Variants in JAKMIP1 observed in about 807,000 individuals in gnomAD.
JAKMIP1 encodes janus kinase and microtubule-interacting protein 1.
Under a neutral mutation model 113.0 loss-of-function variants are expected in JAKMIP1, and 33 were observed. The observed-to-expected ratio is 0.29, with a 90% CI of 0.22 to 0.39. The LOEUF (loss-of-function observed/expected upper bound fraction) is 0.39, where lower values mean the gene tolerates loss of function less well. JAKMIP1 is among the 10% of genes least tolerant of loss of function. JAKMIP1 has a pLI of 1.00. For synonymous variants in JAKMIP1, 480 were observed against 459.9 expected (o/e 1.04, Z -0.56); for missense variants, 813 against 1,080.5 (o/e 0.75, Z 3.47).
intron 1 of JAKMIP1, among the ~76,000 whole-genome samples, chr4:6,148,166 T>C (rs1014397145): frequency 2.0e-5 from 3 of 152,210 alleles, no homozygotes; most frequent in Admixed American, 6.5e-5. Flanking sequence ...GGGTAACACA[T>C]ACCTGCTAAC....
At position 6,188,532 on chromosome 4, in the gene JAKMIP1, C is replaced by A. The variant is rs182797526; in HGVS notation, c.-148+11721G>T. Among the ~76,000 whole-genome samples the A allele has an allele frequency of 6.6e-6, 1 of 152,254 alleles. No homozygotes were observed. Among genetic ancestry groups the A allele is most frequent in the East Asian group, 1.9e-4 (1 of 5,172 alleles). On this transcript the variant is annotated intron_variant, in intron 1 of 20. Coordinates refer to ENST00000409021, the MANE Select transcript of JAKMIP1 (RefSeq NM_001099433.2). This position sits in a 1 kb window ranked among gnomAD's most constrained non-coding sequence, Gnocchi z 5.8. ...ACCCCAAACCTCCTTGCCACTTGAC[C>A]TCTTAGCATACCCCCAAAGCCCTCT...
At chr4:6,043,529 C>G (rs182846237) in intron 16 of JAKMIP1, among the ~76,000 whole-genome samples, 476 of 152,186 alleles carry the variant, frequency 3.1e-3, no homozygotes, top group African/African-American at 0.011. Flanking sequence ...CTGCCTCCTG[C>G]ACCCCTCCAC....
chr4:6,112,889 A>G lies in JAKMIP1; in HGVS notation c.-39T>C, dbSNP rs1715186289. The G allele has an allele frequency of 1.3e-6, 2 of 1,597,030 alleles. No individual in the cohort carries two copies. Among genetic ancestry groups the G allele is most frequent in the East Asian group, 2.2e-5 (1 of 44,540 alleles). The stretch of plus-strand genomic sequence containing the variant: ...TCAGAGTGCTGAGATCCTGCGGTCC[A>G]CACCTGTTCACGCACGCCAGCCAGC... On this transcript the variant is annotated 5_prime_UTR_variant, in exon 2 of 21. Coordinates refer to ENST00000409021, the MANE Select transcript of JAKMIP1 (RefSeq NM_001099433.2).
rs191215151 is a variant in JAKMIP1 at position 6,036,463 on chromosome 4, C to T, written c.2176-356G>A. ...CATCCTTGGTTTCCAATTGGCTCTCCTCACCCTGGAAACAAATCTCCCCTT... is the reference window on the plus strand; with the variant it reads ...CATCCTTGGTTTCCAATTGGCTCTCTTCACCCTGGAAACAAATCTCCCCTT... On this transcript the variant is annotated intron_variant, in intron 18 of 20. Transcript: ENST00000409021. Among the ~76,000 whole-genome samples, 6 of 152,294 alleles carry T rather than the reference C, an allele frequency of 3.9e-5. No individual in the cohort carries two copies. In the East Asian group the frequency reaches 9.6e-4, roughly 24 times the overall value.
rs972401580 is a variant in JAKMIP1 at position 6,042,882 on chromosome 4, G to A, written c.2029-655C>T. On this transcript the variant is annotated intron_variant, in intron 16 of 20. Transcript: ENST00000409021. The surrounding 1 kb of genome is among the most constrained non-coding windows in gnomAD (Gnocchi z 5.2). ...TGCCAGGACATGAGGGCGCAGGCAC[G>A]GAGAGTACGGGGTGAACAGGCGGGG... Among the ~76,000 whole-genome samples, 4 of 152,048 alleles carry A rather than the reference G, an allele frequency of 2.6e-5. No homozygotes were observed. Among genetic ancestry groups the A allele is most frequent in the African/African-American group, 9.7e-5 (4 of 41,386 alleles).
rs1722076580 is a variant in JAKMIP1 at position 6,155,156 on chromosome 4, A to AC, written c.-147-42160_-147-42159insG. On this transcript the variant is annotated intron_variant, in intron 1 of 20. Transcript: ENST00000409021. The surrounding 1 kb of genome is among the most constrained non-coding windows in gnomAD (Gnocchi z 6.1). ...ACAATGCAGTTGACTCTCCGCTATC[A>AC]AAAGGCCTACACATGAATGCCTGGC... is the stretch of plus-strand genomic sequence containing the variant. Among the ~76,000 whole-genome samples the AC allele has an allele frequency of 6.6e-6, 1 of 151,500 alleles. No homozygotes were observed. Among genetic ancestry groups the AC allele is most frequent in the Admixed American group, 6.5e-5 (1 of 15,276 alleles).
intron 13 of JAKMIP1, among the ~76,000 whole-genome samples, chr4:6,052,381 T>G (rs910584398): frequency 6.6e-6 from 1 of 152,108 alleles, no homozygotes; most frequent in Non-Finnish European, 1.5e-5. Flanking sequence ...GCATGGTAGC[T>G]TATACCTGTA....
chr4:6,053,653 T>C, intron 13 of JAKMIP1: 1 of 365,656 alleles, frequency 2.7e-6, no homozygotes, highest in South Asian at 1.1e-4. Context: ...TGTTATTAAT[T>C]GCAACAGTGC....
intron 1 of JAKMIP1, among the ~76,000 whole-genome samples, chr4:6,148,682 G>T (rs748030013): frequency 3.9e-4 from 60 of 152,232 alleles, no homozygotes; most frequent in Non-Finnish European, 8.1e-4. Flanking sequence ...ATAAACGGCA[G>T]CCCTGCGTTC....
intron 3 of JAKMIP1, among the ~76,000 whole-genome samples, chr4:6,102,132 T>C (rs1035354935): frequency 4.6e-5 from 7 of 152,376 alleles, no homozygotes; most frequent in African/African-American, 1.7e-4. Flanking sequence ...TATTTGAATT[T>C]TGTGGTGCTC....
intron 3 of JAKMIP1, among the ~76,000 whole-genome samples, chr4:6,092,359 C>T (rs1578208318): frequency 1.3e-5 from 2 of 152,274 alleles, no homozygotes; most frequent in Non-Finnish European, 2.9e-5. Context: ...AGACACTGGG[C>T]GAAGAACCAT....
intron 3 of JAKMIP1, among the ~76,000 whole-genome samples, chr4:6,098,722 A>AAGAAAGAG (rs373338055): frequency 1.1e-3 from 14 of 12,978 alleles, no homozygotes; most frequent in African/African-American, 3.1e-3. Context: ...GAAAGAAAGA[A>AAGAAAGAG]AAAGAAAGAA....
chr4:6,065,065 A>G lies in JAKMIP1; in HGVS notation c.1303-57T>C. ...CGACTGAGGATTGCCAGAGTCTACC[A>G]GTCCCTGGTCGTGGGCATGCCAGTG... On this transcript the variant is annotated intron_variant, in intron 8 of 20. Transcript: ENST00000409021. The surrounding 1 kb of genome is among the most constrained non-coding windows in gnomAD (Gnocchi z 5.1). The G allele has an allele frequency of 6.2e-7, 1 of 1,609,094 alleles. No individual in the cohort carries two copies. The highest frequency in any genetic ancestry group is 8.5e-7 in the Non-Finnish European group (1 of 1,177,208).
chr4:6,153,245 A>G lies in JAKMIP1; in HGVS notation c.-147-40248T>C, dbSNP rs565402141. ...CCCTGATTCCTACTCAGAGGCCCCA[A>G]CGTCCCTGCCTCTCAGCCTCAGCTC... On this transcript the variant is annotated intron_variant, in intron 1 of 20. Coordinates refer to ENST00000409021, the MANE Select transcript of JAKMIP1 (RefSeq NM_001099433.2). The surrounding 1 kb of genome is among the most constrained non-coding windows in gnomAD (Gnocchi z 4.9). Among the ~76,000 whole-genome samples the G allele has an allele frequency of 7.2e-5, 11 of 152,250 alleles. No individual in the cohort carries two copies. Among genetic ancestry groups the G allele is most frequent in the African/African-American group, 1.9e-4 (8 of 41,536 alleles).
At chr4:6,169,961 T>TCAC (rs1244148166) in intron 1 of JAKMIP1, among the ~76,000 whole-genome samples, 10 of 145,934 alleles carry the variant, frequency 6.9e-5, no homozygotes, top group South Asian at 2.2e-4. Context: ...ATCACTCTCA[T>TCAC]CACCACCACC....
chr4:6,096,483 C>T (rs1210608497), intron 3 of JAKMIP1, among the ~76,000 whole-genome samples: 1 of 152,156 alleles, frequency 6.6e-6, no homozygotes, highest in East Asian at 1.9e-4. Context: ...GGCCTGCATG[C>T]CATCTGTGCA....
chr4:6,029,485 A>G (rs1712305595), intron 20 of JAKMIP1, among the ~76,000 whole-genome samples: 1 of 152,170 alleles, frequency 6.6e-6, no homozygotes, highest in Non-Finnish European at 1.5e-5. Context: ...AGACACACAG[A>G]GTTGGCCCCG....
rs1436571684 is a variant in JAKMIP1 at position 6,156,023 on chromosome 4, GC to G, written c.-147-43027del. Among the ~76,000 whole-genome samples the G allele has an allele frequency of 6.6e-6, 1 of 152,228 alleles. No individual in the cohort carries two copies. The highest frequency in any genetic ancestry group is 1.5e-5 in the Non-Finnish European group (1 of 68,044). ...TGGGTTCCTCAGTGCGTAGAACAGT[GC>G]CCAGCACAATAATGGATCTTCAAGA... On this transcript the variant is annotated intron_variant, in intron 1 of 20. Transcript: ENST00000409021. This position sits in a 1 kb window ranked among gnomAD's most constrained non-coding sequence, Gnocchi z 5.0.
At chr4:6,161,336 G>A (rs368487070) in intron 1 of JAKMIP1, among the ~76,000 whole-genome samples, 8 of 144,928 alleles carry the variant, frequency 5.5e-5, no homozygotes, top group East Asian at 3.9e-4. Flanking sequence ...ACCTCCCCTA[G>A]CCTCCACATT....
Sources: gnomAD v4.1 joint callset for allele counts (sites outside exome capture counted in the v4.1 genomes callset) on GRCh38, gnomAD v4.1.1 for gene constraint, Gnocchi (gnomAD v3.1) non-coding constraint, MANE v1.5 for transcripts, NCBI Gene and HGNC (gene_info 2026-07-23, HGNC 2026-07-21) for gene names.